The following PTPRS variants were observed in gnomAD, a reference collection of about 807,000 sequenced individuals.
PTPRS encodes the protein protein tyrosine phosphatase receptor type S, also known as receptor-type tyrosine-protein phosphatase S.
A neutral mutation model predicts 215.3 loss-of-function variants in PTPRS; 63 were observed. The ratio of observed to expected loss-of-function variants is 0.29; its 90% confidence interval spans 0.24 to 0.36. The LOEUF is 0.36. Among genes scored for constraint, PTPRS ranks in the 10% least tolerant of loss-of-function variants. The probability of loss-of-function intolerance (pLI) is 1.00; values close to 1 mark genes in which losing one functional copy is unlikely to be tolerated. For missense variants in PTPRS, 2,258 were observed against 2,825.8 expected (o/e 0.80, Z 4.56); for synonymous variants, 1,404 against 1,191.4 (o/e 1.18, Z -3.68).
At chr19:5,311,740 T>C (rs751442659) in intron 1 of PTPRS, among the ~76,000 whole-genome samples, 1 of 151,944 alleles carries the variant, frequency 6.6e-6, no homozygotes, top group African/African-American at 2.4e-5. Flanking sequence ...GGAGTGAATA[T>C]TGAAATGTGC....
chr19:5,220,941 C>T, intron 20 of PTPRS, 59 bp downstream of exon 20: 2 of 1,546,462 alleles, frequency 1.3e-6, no homozygotes, highest in East Asian at 2.3e-5. Flanking sequence ...TGGCTTGCCC[C>T]AGCCATATAG....
intron 2 of PTPRS, among the ~76,000 whole-genome samples, chr19:5,277,535 A>G (rs1162879900): frequency 6.6e-5 from 10 of 151,740 alleles, no homozygotes; most frequent in Non-Finnish European, 1.5e-4. Context: ...AGGCACCTGT[A>G]GTCCCAGCTA....
chr19:5,281,844 CAGCA>C (rs1490010862), intron 2 of PTPRS, among the ~76,000 whole-genome samples: 4 of 152,214 alleles, frequency 2.6e-5, no homozygotes, highest in Non-Finnish European at 5.9e-5. Context: ...CCCTCCAATC[CAGCA>C]AGCAAGACCG....
intron 1 of PTPRS, among the ~76,000 whole-genome samples, chr19:5,303,579 AAG>A (rs1026087927): frequency 1.2e-4 from 18 of 151,858 alleles, no homozygotes; most frequent in Non-Finnish European, 4.4e-5. Flanking sequence ...GTTCTGGAAA[AAG>A]AGAGGGGGAC....
chr19:5,325,439 G>T (rs2050142782), intron 1 of PTPRS, among the ~76,000 whole-genome samples: 1 of 152,278 alleles, frequency 6.6e-6, no homozygotes, highest in Admixed American at 6.5e-5. Flanking sequence ...TGTGGGCCAT[G>T]GGGCCAGGTC....
In PTPRS at chr19:5,208,331, G is replaced by A; in HGVS notation, c.5548C>T (p.Pro1850Ser). 6 of 1,613,886 alleles carry A rather than the reference G, an allele frequency of 3.7e-6. No homozygotes were observed. Among genetic ancestry groups the A allele is most frequent in the Middle Eastern group, 1.6e-4 (1 of 6,062 alleles). Residue 1850 changes from proline (P) to serine (S), a missense_variant, in exon 36 of 38, where the codon CCA becomes TCA. Pro to Ser is a moderately conservative substitution (Grantham distance 74). This residue lies in a region of PTPRS where 927 missense variants were observed against 1,125.9 expected (regional missense o/e 0.82). Transcript: ENST00000262963. ...QFTDWPEQGVPKSGEGFIDFI... is the reference protein window; with the variant it reads ...QFTDWPEQGVSKSGEGFIDFI... ...TCGATGAAGCCCTCCCCCGACTTTGGCACACCCTGTTCCGGCCAGTCTGTG... is the reference window on the plus strand; with the variant it reads ...TCGATGAAGCCCTCCCCCGACTTTGACACACCCTGTTCCGGCCAGTCTGTG...
intron 1 of PTPRS, among the ~76,000 whole-genome samples, chr19:5,300,250 AAAAAG>A (rs1404153688): frequency 2.0e-5 from 3 of 151,846 alleles, no homozygotes; most frequent in Non-Finnish European, 2.9e-5. Flanking sequence ...CAAAAAAAAA[AAAAAG>A]AAAAGAAAAA....
In PTPRS at chr19:5,222,238, G is replaced by A. The variant is rs781361292; in HGVS notation, c.3104-18C>T. 113 of 1,598,762 alleles carry A rather than the reference G, an allele frequency of 7.1e-5. 1 individual carries two copies. The highest frequency in any genetic ancestry group is 8.8e-5 in the Non-Finnish European group (103 of 1,167,116). On this transcript the variant is annotated intron_variant, in intron 18 of 37. Transcript: ENST00000262963. The stretch of plus-strand genomic sequence containing the variant: ...GGGCGAGACTGCCGGGGAGGCGGCC[G>A]AGCAGGGAGAGAGCAGAAGAGAGGC...
At chr19:5,317,954 G>A (rs1480331099) in intron 1 of PTPRS, among the ~76,000 whole-genome samples, 1 of 152,184 alleles carries the variant, frequency 6.6e-6, no homozygotes, top group Non-Finnish European at 1.5e-5. Context: ...GGCGGACCAT[G>A]AGGTCAGGAG....
intron 1 of PTPRS, among the ~76,000 whole-genome samples, chr19:5,305,623 G>A (rs184369597): frequency 6.5e-4 from 99 of 151,712 alleles, no homozygotes; most frequent in African/African-American, 2.3e-3. Context: ...CGGCACTTTG[G>A]GAGGCTGAAG....
In PTPRS at chr19:5,260,013, C is replaced by T. The variant is rs116811013; in HGVS notation, c.595+792G>A. ...GGACACTGATTCTTCCCCAGGTTCC[C>T]ACTCAGGCCTTCTCTTGGCTCTTCT... is the stretch of plus-strand genomic sequence containing the variant. On this transcript the variant is annotated intron_variant, in intron 7 of 37. Transcript: ENST00000262963. Among the ~76,000 whole-genome samples the T allele has an allele frequency of 8.5e-3, 1,287 of 152,148 alleles. 18 individuals carry two copies. Among genetic ancestry groups the T allele is most frequent in the African/African-American group, 0.028 (1,174 of 41,516 alleles).
At chr19:5,316,719 G>C (rs1216372092) in intron 1 of PTPRS, among the ~76,000 whole-genome samples, 1 of 151,970 alleles carries the variant, frequency 6.6e-6, no homozygotes, top group African/African-American at 2.4e-5. Flanking sequence ...AATGGAGGCG[G>C]GGTTTCACCA....
chr19:5,221,137 C>T lies in PTPRS; in HGVS notation c.3318G>A (p.Leu1106=). ...NFVLTNRGSS[L]GGLQQTVTAW... Reference sequence around the variant, plus strand: ...CGGTGACCGTCTGCTGGAGGCCGCCCAGGCTGCTGCCGCGATTGGTCAGCA... The same window carrying T: ...CGGTGACCGTCTGCTGGAGGCCGCCTAGGCTGCTGCCGCGATTGGTCAGCA... Residue 1106 remains leucine (L), a synonymous_variant, in exon 20 of 38, where the codon CTG becomes CTA. Coordinates refer to ENST00000262963, the MANE Select transcript of PTPRS (RefSeq NM_002850.4). 6.2e-7 allele frequency: 1 copy of T among 1,613,936 alleles called. No individual in the cohort carries two copies. The highest frequency in any genetic ancestry group is 1.1e-5 in the South Asian group (1 of 91,080).
intron 1 of PTPRS, among the ~76,000 whole-genome samples, chr19:5,319,623 A>C (rs927718769): frequency 6.6e-6 from 1 of 151,538 alleles, no homozygotes; most frequent in Non-Finnish European, 1.5e-5. Flanking sequence ...AAGACCCTAC[A>C]TGACCTATTG....
chr19:5,208,220 C>T lies in PTPRS; in HGVS notation c.5642+17G>A, dbSNP rs1252702369. 1 of 1,572,800 alleles carries T rather than the reference C, an allele frequency of 6.4e-7. No homozygotes were observed. The highest frequency in any genetic ancestry group is 8.7e-7 in the Non-Finnish European group (1 of 1,155,866). The stretch of plus-strand genomic sequence containing the variant: ...TCCCCAGCAGGGCCAAAAGCTGGGA[C>T]ACTCGAGGGAGCTCACCTGCAGTGG... On this transcript the variant is annotated intron_variant, in intron 36 of 37. Coordinates refer to ENST00000262963, the MANE Select transcript of PTPRS (RefSeq NM_002850.4).
intron 4 of PTPRS, among the ~76,000 whole-genome samples, chr19:5,270,226 CTT>C (rs901320608): frequency 6.6e-6 from 1 of 152,204 alleles, no homozygotes; most frequent in Non-Finnish European, 1.5e-5. Flanking sequence ...TGTGGGGTCT[CTT>C]GTTAGAAAAG....
intron 5 of PTPRS, among the ~76,000 whole-genome samples, chr19:5,263,861 G>A (rs928663540): frequency 3.9e-5 from 6 of 152,238 alleles, no homozygotes; most frequent in Non-Finnish European, 7.4e-5. Context: ...AGGGAGGCCC[G>A]TGTGTGACAG....
intron 26 of PTPRS, 57 bp downstream of exon 26, chr19:5,216,663 G>A (rs1169227084): frequency 1.5e-5 from 21 of 1,375,330 alleles, no homozygotes; most frequent in Non-Finnish European, 1.9e-5. Flanking sequence ...AGAAACCAAA[G>A]AGGAAATGAA....
At chr19:5,280,749 TAGACCCACCATGTAC>T (rs1300451464) in intron 2 of PTPRS, among the ~76,000 whole-genome samples, 2 of 151,552 alleles carry the variant, frequency 1.3e-5, no homozygotes, top group Non-Finnish European at 2.9e-5. Flanking sequence ...AAAAAATCAC[TAGACCCACCATGTAC>T]AGGAATGCAC....
Sources: gnomAD v4.1 joint callset for allele counts (sites outside exome capture counted in the v4.1 genomes callset) on GRCh38, gnomAD v4.1.1 for gene constraint, gnomAD v4.1.1 regional missense constraint, MANE v1.5 for transcripts, NCBI Gene and HGNC (gene_info 2026-07-23, HGNC 2026-07-21) for gene names.